The following USP49 variants were observed in gnomAD, a reference collection of about 807,000 sequenced individuals.
USP49 encodes the protein ubiquitin specific peptidase 49.
A neutral mutation model predicts 58.6 loss-of-function variants in USP49; 24 were observed. The ratio of observed to expected loss-of-function variants is 0.41; its 90% CI spans 0.30 to 0.58. The LOEUF is 0.58. USP49 is among the 20% of genes least tolerant of loss of function. USP49 has a pLI of 0.30. For missense variants in USP49, 703 were observed against 866.1 expected (o/e 0.81, Z 2.36); for synonymous variants, 408 against 365.1 (o/e 1.12, Z -1.34).
intron 4 of USP49, among the ~76,000 whole-genome samples, chr6:41,804,268 C>CA (rs1324787852): frequency 2.6e-5 from 4 of 152,180 alleles, no homozygotes; most frequent in Non-Finnish European, 5.9e-5. Context: ...TCACCTCTCC[C>CA]AAAATATGCT....
intron 3 of USP49, among the ~76,000 whole-genome samples, chr6:41,860,462 G>C (rs1470006652): frequency 6.6e-6 from 1 of 152,040 alleles, no homozygotes; most frequent in Non-Finnish European, 1.5e-5. Flanking sequence ...ATTACTATCA[G>C]TTTTTATATG....
chr6:41,891,649 T>TA (rs1211448110), intron 2 of USP49, 145 bp downstream of exon 2: 2 of 152,194 alleles, frequency 1.3e-5, no homozygotes, highest in African/African-American at 4.8e-5. Context: ...AACAAACACA[T>TA]ATATAGCATT....
chr6:41,829,316 A>ATT (rs150752989), intron 3 of USP49, among the ~76,000 whole-genome samples: 2 of 145,138 alleles, frequency 1.4e-5, no homozygotes. Flanking sequence ...ATTCTCTTGA[A>ATT]TTTTTTTTTT....
intron 5 of USP49, among the ~76,000 whole-genome samples, chr6:41,801,940 C>A (rs932018040): frequency 3.3e-5 from 5 of 152,062 alleles, no homozygotes; most frequent in Non-Finnish European, 7.4e-5. Context: ...TTATTTCTTG[C>A]CTAATCTATC....
At chr6:41,797,085 C>A (rs1407209464) in intron 7 of USP49, among the ~76,000 whole-genome samples, 1 of 151,766 alleles carries the variant, frequency 6.6e-6, no homozygotes. Flanking sequence ...CTCAGCCTCT[C>A]GAGTAGCTGG....
chr6:41,854,135 G>C (rs1402951029), intron 3 of USP49, among the ~76,000 whole-genome samples: 4 of 151,382 alleles, frequency 2.6e-5, no homozygotes, highest in Admixed American at 1.3e-4. Context: ...TGGCCAACAT[G>C]GTGAAACCCC....
intron 3 of USP49, among the ~76,000 whole-genome samples, chr6:41,859,686 T>C (rs1302088511): frequency 6.6e-6 from 1 of 152,230 alleles, no homozygotes; most frequent in South Asian, 2.1e-4. Flanking sequence ...TTAATTGCTA[T>C]GTCTAAGATT....
chr6:41,822,184 T>C (rs1424486529), intron 3 of USP49, among the ~76,000 whole-genome samples: 2 of 152,202 alleles, frequency 1.3e-5, no homozygotes, highest in African/African-American at 2.4e-5. Context: ...AAGCCAAGAA[T>C]TGCTTTCCCA....
chr6:41,822,629 C>T (rs547430197), intron 3 of USP49, among the ~76,000 whole-genome samples: 1 of 152,120 alleles, frequency 6.6e-6, no homozygotes, highest in Non-Finnish European at 1.5e-5. Flanking sequence ...GGGCGGATCA[C>T]GAGGTCAAGA....
At chr6:41,832,665 CA>C (rs1345009218) in intron 3 of USP49, among the ~76,000 whole-genome samples, 1 of 152,088 alleles carries the variant, frequency 6.6e-6, no homozygotes, top group Non-Finnish European at 1.5e-5. Context: ...GTATTTTTGG[CA>C]AGCACTTTAT....
At chr6:41,834,431 C>G (rs1773690054) in intron 3 of USP49, among the ~76,000 whole-genome samples, 1 of 152,148 alleles carries the variant, frequency 6.6e-6, no homozygotes, top group African/African-American at 2.4e-5. Flanking sequence ...ATATGAGGAT[C>G]TTGAATATCA....
chr6:41,810,285 A>G (rs971691250), intron 3 of USP49, among the ~76,000 whole-genome samples: 3 of 151,630 alleles, frequency 2.0e-5, no homozygotes, highest in African/African-American at 7.2e-5. Context: ...GTTCGAGACC[A>G]GCCTAGCCAA....
chr6:41,799,629 G>A (rs1316484463), intron 6 of USP49, among the ~76,000 whole-genome samples: 2 of 152,200 alleles, frequency 1.3e-5, no homozygotes, highest in African/African-American at 4.8e-5. Context: ...AGGAGCATGA[G>A]AGCAAAAGCC....
chr6:41,829,654 A>G (rs1297546509), intron 3 of USP49, among the ~76,000 whole-genome samples: 2 of 152,198 alleles, frequency 1.3e-5, no homozygotes, highest in African/African-American at 4.8e-5. Flanking sequence ...TAGTCTTCAA[A>G]TATAGACAGC....
rs572984623 is a variant in USP49, at chr6:41,798,492, T to C, written c.1876+232A>G. ...GGTTTAACCATGTTGGCCAGGCTGG[T>C]CTCGAACTCCTGACCTCAGGTGATC... On this transcript the variant is annotated intron_variant, in intron 7 of 7. Transcript: ENST00000682992. 11 of 1,242,056 alleles carry C rather than the reference T, an allele frequency of 8.9e-6. No individual in the cohort carries two copies. The East Asian group carries it at 2.7e-4, about 31-fold the overall frequency. 76.9% of individuals were successfully genotyped at this position (1,242,056 alleles called of 1,614,324 possible).
intron 2 of USP49, among the ~76,000 whole-genome samples, chr6:41,887,053 A>G (rs1196191263): frequency 6.6e-6 from 1 of 152,236 alleles, no homozygotes; most frequent in Admixed American, 6.5e-5. Context: ...CCAAGTGAGC[A>G]TATGACATAT....
At chr6:41,798,114 C>A in intron 7 of USP49, 1 of 154,440 alleles carries the variant, frequency 6.5e-6, no homozygotes, top group South Asian at 1.8e-4. Flanking sequence ...GCAATCCTCC[C>A]GCCTCTGCCT....
At chr6:41,836,741 A>G (rs1430787831) in intron 3 of USP49, among the ~76,000 whole-genome samples, 2 of 152,204 alleles carry the variant, frequency 1.3e-5, no homozygotes, top group African/African-American at 2.4e-5. Context: ...CAACTTCAGT[A>G]AAGTTTCAGG....
At chr6:41,821,641 G>C (rs1424938451) in intron 3 of USP49, among the ~76,000 whole-genome samples, 1 of 152,002 alleles carries the variant, frequency 6.6e-6, no homozygotes, top group Non-Finnish European at 1.5e-5. Context: ...GGGTGTGGTG[G>C]TGGGCGCCTG....
Sources: allele counts gnomAD v4.1 joint callset (sites outside exome capture counted in the v4.1 genomes callset), GRCh38; gene constraint gnomAD v4.1.1; transcripts MANE v1.5; gene names NCBI Gene and HGNC (gene_info 2026-07-23, HGNC 2026-07-21).